The following MAML2 variants were observed in gnomAD, a reference collection of about 807,000 sequenced individuals.
The protein encoded by MAML2 is mastermind-like protein 2.
Under a neutral mutation model 96.1 loss-of-function variants are expected in MAML2, and 22 were observed. The observed-to-expected ratio is 0.23, with a 90% CI of 0.16 to 0.33. MAML2 has a LOEUF of 0.33. Among genes scored for constraint, MAML2 ranks in the 10% least tolerant of loss-of-function variants. The pLI, the probability that MAML2 is intolerant of heterozygous loss-of-function variation, is 1.00. For synonymous variants in MAML2, 561 were observed against 521.3 expected (o/e 1.08, Z -1.04); for missense variants, 1,367 against 1,392.4 (o/e 0.98, Z 0.29).
chr11:96,016,529 TC>T (rs1268062128), intron 2 of MAML2, among the ~76,000 whole-genome samples: 1 of 152,168 alleles, frequency 6.6e-6, no homozygotes, highest in Non-Finnish European at 1.5e-5. Flanking sequence ...TCCCCACCTC[TC>T]CTAAGTTTGA....
chr11:96,219,291 C>T lies in MAML2; in HGVS notation c.513+122092G>A, dbSNP rs540136474. ...GAAACCATTCCTGTACATGTCTCAC[C>T]TTTCAATCTAAGCACTTTCGGATTC... On this transcript the variant is annotated intron_variant, in intron 1 of 4. Coordinates refer to ENST00000524717, the MANE Select transcript of MAML2 (RefSeq NM_032427.4). Among the ~76,000 whole-genome samples the T allele has an allele frequency of 4.1e-4, 62 of 152,280 alleles. No homozygotes were observed. In the South Asian group the frequency reaches 0.013, roughly 32 times the overall value.
At chr11:96,015,235 A>G (rs1858326320) in intron 2 of MAML2, among the ~76,000 whole-genome samples, 1 of 152,194 alleles carries the variant, frequency 6.6e-6, no homozygotes, top group Non-Finnish European at 1.5e-5. Context: ...ATATGGAAAC[A>G]TGAAGCAATT....
At chr11:96,002,892 T>G (rs1858113024) in intron 2 of MAML2, among the ~76,000 whole-genome samples, 1 of 133,098 alleles carries the variant, frequency 7.5e-6, no homozygotes, top group Non-Finnish European at 1.6e-5. Context: ...ATGAGGAGGA[T>G]GATGGGGATG....
chr11:96,100,837 C>T (rs1435897090), intron 1 of MAML2, among the ~76,000 whole-genome samples: 1 of 151,638 alleles, frequency 6.6e-6, no homozygotes, highest in Non-Finnish European at 1.5e-5. Context: ...CCTCAACCTC[C>T]CAGGCTTAAG....
At chr11:96,204,897 T>A (rs1167684789) in intron 1 of MAML2, among the ~76,000 whole-genome samples, 3 of 152,250 alleles carry the variant, frequency 2.0e-5, no homozygotes, top group African/African-American at 7.2e-5. Flanking sequence ...CTACATTTCA[T>A]TTCTCTTTAT....
chr11:96,175,597 GT>G (rs1160298133), intron 1 of MAML2, among the ~76,000 whole-genome samples: 1 of 151,036 alleles, frequency 6.6e-6, no homozygotes, highest in Admixed American at 6.6e-5. Context: ...GTTTTGTTTT[GT>G]TTTTTTTTAG....
chr11:96,057,016 C>T (rs542300300), intron 2 of MAML2, among the ~76,000 whole-genome samples: 1 of 152,276 alleles, frequency 6.6e-6, no homozygotes, highest in African/African-American at 2.4e-5. Context: ...GATCTAGTTT[C>T]ACCTTCTGAG....
At chr11:96,202,177 CAAA>C (rs35124521) in intron 1 of MAML2, among the ~76,000 whole-genome samples, 19 of 75,860 alleles carry the variant, frequency 2.5e-4, no homozygotes, top group Non-Finnish European at 3.4e-4. Context: ...ACTAAAAATA[CAAA>C]AAAAAAAAAA....
At position 96,274,175 on chromosome 11, in the gene MAML2, C is replaced by T. The variant is rs548180696; in HGVS notation, c.513+67208G>A. Among the ~76,000 whole-genome samples, 25 of 150,282 alleles carry T rather than the reference C, an allele frequency of 1.7e-4. No individual in the cohort carries two copies. The East Asian group carries it at 2.2e-3, about 13-fold the overall frequency. On this transcript the variant is annotated intron_variant, in intron 1 of 4. Coordinates refer to ENST00000524717, the MANE Select transcript of MAML2 (RefSeq NM_032427.4). The stretch of plus-strand genomic sequence containing the variant: ...TTGGCTCACTGCAAGCTCCGCCTCG[C>T]GGGTTCACGCCATTTTCCTGCGTGA...
intron 1 of MAML2, among the ~76,000 whole-genome samples, chr11:96,208,463 T>A (rs1408636509): frequency 6.6e-6 from 1 of 152,216 alleles, no homozygotes; most frequent in Non-Finnish European, 1.5e-5. Context: ...CAAACAGAAG[T>A]ATTTTTCTTT....
intron 1 of MAML2, among the ~76,000 whole-genome samples, chr11:96,244,566 T>C (rs1157552879): frequency 1.3e-5 from 2 of 152,204 alleles, no homozygotes; most frequent in African/African-American, 4.8e-5. Context: ...TGTTTTATTA[T>C]ATTAATAATA....
intron 1 of MAML2, among the ~76,000 whole-genome samples, chr11:96,323,483 G>GAAAAA (rs57745850): frequency 3.9e-4 from 56 of 144,754 alleles, no homozygotes; most frequent in African/African-American, 1.4e-3. Context: ...ACAAAATGCT[G>GAAAAA]AAAAAAAAAA....
intron 1 of MAML2, among the ~76,000 whole-genome samples, chr11:96,189,132 C>T (rs1288786574): frequency 6.6e-6 from 1 of 151,892 alleles, no homozygotes; most frequent in East Asian, 1.9e-4. Context: ...CATTATTCAC[C>T]GGCCATATCT....
chr11:96,319,856 A>T (rs961553130), intron 1 of MAML2, among the ~76,000 whole-genome samples: 2 of 152,220 alleles, frequency 1.3e-5, no homozygotes, highest in African/African-American at 4.8e-5. Flanking sequence ...TAATCCGATA[A>T]TTTTTTATTG....
chr11:96,341,936 T>A lies in MAML2; in HGVS notation c.-41A>T. ...GATTGCTGCCTCTGGGATGGTGAGG[T>A]GGAAAGAGGCTACTGCTGGCTATTG... is the stretch of plus-strand genomic sequence containing the variant. On this transcript the variant is annotated 5_prime_UTR_variant, in exon 1 of 5. Coordinates refer to ENST00000524717, the MANE Select transcript of MAML2 (RefSeq NM_032427.4). The A allele has an allele frequency of 6.8e-7, 1 of 1,471,174 alleles. No individual in the cohort carries two copies. Among genetic ancestry groups the A allele is most frequent in the South Asian group, 1.4e-5 (1 of 73,612 alleles). The allele number at this position is 1,471,174 out of a possible 1,614,324, so 91.1% of individuals were successfully genotyped here.
At chr11:96,141,959 A>C (rs1399247085) in intron 1 of MAML2, among the ~76,000 whole-genome samples, 1 of 152,220 alleles carries the variant, frequency 6.6e-6, no homozygotes, top group Non-Finnish European at 1.5e-5. Context: ...TGGGGCGATC[A>C]AAAAAGCTAG....
intron 2 of MAML2, among the ~76,000 whole-genome samples, chr11:96,039,410 G>A (rs10831468): frequency 0.17 from 24,805 of 149,058 alleles, 2,597 homozygotes; most frequent in East Asian, 0.3. Context: ...AGAGGGGAGA[G>A]GGGAGGAGGG....
chr11:96,145,194 G>A (rs1444824519), intron 1 of MAML2, among the ~76,000 whole-genome samples: 1 of 152,184 alleles, frequency 6.6e-6, no homozygotes, highest in Non-Finnish European at 1.5e-5. Context: ...TTAGGGCTAA[G>A]ACCAGAGTCC....
At chr11:96,057,523 A>C (rs572531018) in intron 2 of MAML2, among the ~76,000 whole-genome samples, 1 of 152,352 alleles carries the variant, frequency 6.6e-6, no homozygotes, top group South Asian at 2.1e-4. Flanking sequence ...ATTGTTCCTC[A>C]AAAAGCTCCT....
Sources: allele counts gnomAD v4.1 joint callset (sites outside exome capture counted in the v4.1 genomes callset), GRCh38; gene constraint gnomAD v4.1.1; transcripts MANE v1.5; gene names NCBI Gene and HGNC (gene_info 2026-07-23, HGNC 2026-07-21).